STPG2: variants seen among roughly 807,000 people sequenced by gnomAD.
STPG2 encodes sperm-tail PG-rich repeat-containing protein 2.
STPG2 carries 56 observed loss-of-function variants against 54.2 expected under a neutral mutation model. The ratio of observed to expected loss-of-function variants is 1.03; its 90% confidence interval spans 0.83 to 1.29. The LOEUF (loss-of-function observed/expected upper bound fraction) is 1.29. STPG2 is among the 50% of genes most tolerant of loss of function. STPG2 has a pLI of 0.00. For synonymous variants in STPG2, 200 were observed against 181.8 expected (o/e 1.10, Z -0.81); for missense variants, 596 against 544.9 (o/e 1.09, Z -0.93).
chr4:98,120,345 C>T (rs11931420), intron 3 of STPG2, among the ~76,000 whole-genome samples: 60,105 of 152,000 alleles, frequency 0.4, 12,124 homozygotes, highest in Middle Eastern at 0.46. Flanking sequence ...TTCCAAAGTG[C>T]AGGGATTACA....
intron 5 of STPG2, among the ~76,000 whole-genome samples, chr4:98,013,654 T>C (rs1357054669): frequency 6.7e-6 from 1 of 148,388 alleles, no homozygotes. Flanking sequence ...GAACTTGTTA[T>C]TGGTCTATTC....
chr4:97,613,723 CA>C (rs1292215193), intron 10 of STPG2, among the ~76,000 whole-genome samples: 8 of 152,054 alleles, frequency 5.3e-5, no homozygotes, highest in Non-Finnish European at 8.8e-5. Flanking sequence ...CAGTACAATA[CA>C]AAAATATAAT....
intron 4 of STPG2, among the ~76,000 whole-genome samples, chr4:97,444,062 AAG>A (rs1451148136): frequency 6.6e-6 from 1 of 152,172 alleles, no homozygotes; most frequent in Non-Finnish European, 1.5e-5. Context: ...TAAACAGCTA[AAG>A]AGAGGATTTT....
intron 5 of STPG2, among the ~76,000 whole-genome samples, chr4:97,988,708 G>A (rs1032914480): frequency 1.3e-5 from 2 of 152,166 alleles, no homozygotes; most frequent in African/African-American, 2.4e-5. Context: ...CCGTGCTCAA[G>A]CAGTCCTCCA....
intron 10 of STPG2, among the ~76,000 whole-genome samples, chr4:97,711,597 T>G (rs1424310765): frequency 6.6e-6 from 1 of 152,168 alleles, no homozygotes; most frequent in African/African-American, 2.4e-5. Flanking sequence ...CTCATTTTCA[T>G]TTGTTTTATT....
At chr4:97,595,737 C>T (rs143602036) in intron 10 of STPG2, among the ~76,000 whole-genome samples, 7 of 152,078 alleles carry the variant, frequency 4.6e-5, no homozygotes, top group Admixed American at 1.3e-4. Context: ...TTGTTACCAC[C>T]AGACCTATCT....
In STPG2 at chr4:98,068,011, G is replaced by A. The variant is rs573570253; in HGVS notation, c.612+37942C>T. 8.5e-5 allele frequency among the ~76,000 whole-genome samples: 13 copies of A among 152,140 alleles called. No homozygotes were observed. The South Asian group carries it at 1.0e-3, about 12-fold the overall frequency. On this transcript the variant is annotated intron_variant, in intron 5 of 10. Transcript: ENST00000295268. ...ATTGTGTATCCTAGATGACCCAGGCGTCCAAACCTAATCTTTATTTCACAA... is the reference window on the plus strand; with the variant it reads ...ATTGTGTATCCTAGATGACCCAGGCATCCAAACCTAATCTTTATTTCACAA...
At chr4:97,825,672 GA>G (rs1728229378) in intron 9 of STPG2, among the ~76,000 whole-genome samples, 1 of 152,084 alleles carries the variant, frequency 6.6e-6, no homozygotes, top group African/African-American at 2.4e-5. Flanking sequence ...ACTGGTAAAT[GA>G]AAAATCTTAC....
chr4:97,912,855 G>A (rs1275105670), intron 8 of STPG2, among the ~76,000 whole-genome samples: 2 of 152,126 alleles, frequency 1.3e-5, no homozygotes, highest in African/African-American at 4.8e-5. Flanking sequence ...GTTGAGAAAC[G>A]CTGGCCTAAA....
chr4:97,916,374 G>A lies in STPG2; in HGVS notation c.1044+27523C>T, dbSNP rs112228147. The stretch of plus-strand genomic sequence containing the variant: ...TTTATTTAACAGCAAGAAGCACCTT[G>A]CCCATGGATTTCCCCTGTATCACAT... On this transcript the variant is annotated intron_variant, in intron 8 of 10. Coordinates refer to ENST00000295268, the MANE Select transcript of STPG2 (RefSeq NM_174952.3). The A allele has an allele frequency of 5.4e-3, 831 of 152,698 alleles. 4 individuals are homozygous for A. Among genetic ancestry groups the A allele is most frequent in the Non-Finnish European group, 8.6e-3 (586 of 68,032 alleles). The allele number at this position is 152,698 out of a possible 1,614,324, so 9.5% of individuals were successfully genotyped here. A position where few individuals can be genotyped will look rare whatever the true frequency, so the allele number is the denominator to read the frequency against.
chr4:97,984,719 T>C (rs1023844376), intron 5 of STPG2, among the ~76,000 whole-genome samples: 1 of 152,214 alleles, frequency 6.6e-6, no homozygotes. Flanking sequence ...TTTTGAAGTG[T>C]AGTCAAAGAA....
chr4:97,796,534 G>A (rs1239508871), intron 9 of STPG2, among the ~76,000 whole-genome samples: 1 of 152,042 alleles, frequency 6.6e-6, no homozygotes, highest in South Asian at 2.1e-4. Context: ...TATTTCTGAG[G>A]GCTCTGTTCT....
intron 4 of STPG2, among the ~76,000 whole-genome samples, chr4:97,533,440 T>C (rs1380658936): frequency 6.6e-6 from 1 of 152,066 alleles, no homozygotes; most frequent in African/African-American, 2.4e-5. Context: ...TATTAAAGTG[T>C]AGTTTATATA....
intron 4 of STPG2, among the ~76,000 whole-genome samples, chr4:97,532,542 T>G (rs1731437374): frequency 6.6e-6 from 1 of 152,158 alleles, no homozygotes. Context: ...AAATAAGAAT[T>G]TGCTTTCCTC....
chr4:97,665,562 A>G (rs1441670524), intron 10 of STPG2, among the ~76,000 whole-genome samples: 1 of 152,108 alleles, frequency 6.6e-6, no homozygotes, highest in Non-Finnish European at 1.5e-5. Flanking sequence ...CAGTCCATGG[A>G]CAGCCATGGG....
chr4:97,562,531 G>A (rs559349336), intron 10 of STPG2, among the ~76,000 whole-genome samples: 4 of 152,244 alleles, frequency 2.6e-5, no homozygotes, highest in Non-Finnish European at 5.9e-5. Context: ...GTTTTCAAAG[G>A]GAATGCTTGC....
intron 10 of STPG2, among the ~76,000 whole-genome samples, chr4:97,579,421 C>G (rs1732808157): frequency 1.3e-5 from 2 of 151,890 alleles, no homozygotes; most frequent in African/African-American, 4.8e-5. Flanking sequence ...TGAAATATAT[C>G]TAAATAGGAG....
At chr4:97,548,606 A>T (rs1459057474) in intron 4 of STPG2, among the ~76,000 whole-genome samples, 1 of 152,184 alleles carries the variant, frequency 6.6e-6, no homozygotes, top group Non-Finnish European at 1.5e-5. Flanking sequence ...TTAATTAATC[A>T]TTTATTTGGA....
chr4:98,029,846 A>C (rs927080242), intron 5 of STPG2, among the ~76,000 whole-genome samples: 1 of 152,208 alleles, frequency 6.6e-6, no homozygotes, highest in Admixed American at 6.5e-5. Context: ...GTTCCCACTC[A>C]AAACTGCACA....
Sources: allele counts gnomAD v4.1 joint callset (sites outside exome capture counted in the v4.1 genomes callset), GRCh38; gene constraint gnomAD v4.1.1; transcripts MANE v1.5; gene names NCBI Gene and HGNC (gene_info 2026-07-23, HGNC 2026-07-21).